Variants in RGS6 observed in about 807,000 individuals in gnomAD.
RGS6 encodes regulator of G-protein signaling 6.
In RGS6, 30 loss-of-function variants were observed where a neutral mutation model predicts 78.5. The ratio of observed to expected loss-of-function variants is 0.38; its 90% CI spans 0.29 to 0.52. The LOEUF (loss-of-function observed/expected upper bound fraction) is 0.52. Ranked by LOEUF, RGS6 falls within the 20% of genes least tolerant of loss-of-function variation. The pLI, the probability that RGS6 is intolerant of heterozygous loss-of-function variation, is 0.85. For missense variants in RGS6, 495 were observed against 609.7 expected (o/e 0.81, Z 1.98); for synonymous variants, 206 against 206.0 (o/e 1.00, Z 0.00).
intron 6 of RGS6, among the ~76,000 whole-genome samples, chr14:72,464,291 T>C (rs1450968892): frequency 6.6e-6 from 1 of 152,226 alleles, no homozygotes; most frequent in African/African-American, 2.4e-5. Context: ...ACTCTCTCTC[T>C]TTTCACATTA....
chr14:72,189,925 C>T (rs12432254), intron 2 of RGS6, among the ~76,000 whole-genome samples: 58,777 of 151,932 alleles, frequency 0.39, 11,481 homozygotes, highest in Middle Eastern at 0.45. Context: ...TTCATAAAAA[C>T]GCATACCCAT....
intron 2 of RGS6, among the ~76,000 whole-genome samples, chr14:72,224,082 A>G (rs369222774): frequency 2.8e-4 from 43 of 152,234 alleles, no homozygotes; most frequent in African/African-American, 1.0e-3. Flanking sequence ...AACAGCTGAA[A>G]TACAATATTT....
intron 3 of RGS6, among the ~76,000 whole-genome samples, chr14:72,407,068 T>A (rs73293083): frequency 0.035 from 5,309 of 152,360 alleles, 127 homozygotes; most frequent in African/African-American, 0.057. Context: ...TGTTGTTACA[T>A]ACTGTTCATA....
chr14:71,926,155 A>G, the RGS6 span, among the ~76,000 whole-genome samples: 3 of 152,254 alleles, frequency 2.0e-5, no homozygotes, highest in African/African-American at 7.2e-5. Flanking sequence ...ACAGAAATAG[A>G]AAAACACAAT....
intron 2 of RGS6, among the ~76,000 whole-genome samples, chr14:72,136,386 T>C (rs1035312849): frequency 6.6e-6 from 1 of 152,120 alleles, no homozygotes; most frequent in South Asian, 2.1e-4. Context: ...TGCTGCTGAA[T>C]AAAGACATAT....
intron 2 of RGS6, among the ~76,000 whole-genome samples, chr14:72,157,059 T>A (rs1322543170): frequency 1.3e-5 from 2 of 152,188 alleles, no homozygotes; most frequent in African/African-American, 4.8e-5. Context: ...CCTTCTCTTC[T>A]TGTGAAAGTG....
At chr14:72,027,216 TAA>T (rs1491129144) in intron 2 of RGS6, among the ~76,000 whole-genome samples, 29 of 150,496 alleles carry the variant, frequency 1.9e-4, no homozygotes, top group Admixed American at 1.3e-3. Context: ...TCCTCTGCTT[TAA>T]GAGAGAGAGA....
chr14:72,181,027 A>G (rs2097167504), intron 2 of RGS6, among the ~76,000 whole-genome samples: 1 of 152,162 alleles, frequency 6.6e-6, no homozygotes, highest in Non-Finnish European at 1.5e-5. Context: ...TTCTATTTGT[A>G]TTCAGGTTTT....
At chr14:72,247,892 C>G (rs7146590) in intron 2 of RGS6, among the ~76,000 whole-genome samples, 5,015 of 152,268 alleles carry the variant, frequency 0.033, 187 homozygotes, top group African/African-American at 0.09. Flanking sequence ...TTGGACTTCC[C>G]AGCCTCCAGA....
At chr14:72,363,093 A>G (rs191135298) in intron 3 of RGS6, among the ~76,000 whole-genome samples, 15 of 152,352 alleles carry the variant, frequency 9.8e-5, no homozygotes, top group Non-Finnish European at 2.1e-4. Context: ...TGAAAAGGAT[A>G]CAAGAATTAC....
intron 2 of RGS6, among the ~76,000 whole-genome samples, chr14:72,234,418 A>G (rs1320286551): frequency 6.7e-6 from 1 of 148,368 alleles, no homozygotes; most frequent in Non-Finnish European, 1.5e-5. Flanking sequence ...TTGTGAGAAG[A>G]AAAAAAAAAC....
At chr14:72,572,402 G>A in the RGS6 span, among the ~76,000 whole-genome samples, 13 of 152,286 alleles carry the variant, frequency 8.5e-5, no homozygotes, top group East Asian at 2.5e-3. Flanking sequence ...TCAAATGTCT[G>A]TCAACTGGTA....
At chr14:72,029,546 C>A (rs975205616) in intron 2 of RGS6, among the ~76,000 whole-genome samples, 1 of 152,178 alleles carries the variant, frequency 6.6e-6, no homozygotes, top group Non-Finnish European at 1.5e-5. Context: ...AGTCTGCATC[C>A]AGCACCCATA....
At chr14:72,026,430 T>C (rs925835602) in intron 2 of RGS6, among the ~76,000 whole-genome samples, 1 of 151,982 alleles carries the variant, frequency 6.6e-6, no homozygotes, top group Non-Finnish European at 1.5e-5. Flanking sequence ...AAAGTAGCCA[T>C]CAGAACCCAT....
At chr14:72,252,770 CAAT>C (rs1434069845) in intron 2 of RGS6, among the ~76,000 whole-genome samples, 1 of 152,090 alleles carries the variant, frequency 6.6e-6, no homozygotes, top group East Asian at 1.9e-4. Flanking sequence ...ATGTTGAAAA[CAAT>C]GATGCAGTCC....
At chr14:72,333,888 A>G (rs1386142544) in intron 2 of RGS6, among the ~76,000 whole-genome samples, 1 of 152,144 alleles carries the variant, frequency 6.6e-6, no homozygotes, top group Non-Finnish European at 1.5e-5. Flanking sequence ...CGCACACCAG[A>G]TTTCCATTCC....
chr14:72,070,996 C>T (rs1342071068), intron 2 of RGS6, among the ~76,000 whole-genome samples: 1 of 152,080 alleles, frequency 6.6e-6, no homozygotes, highest in Non-Finnish European at 1.5e-5. Context: ...TTCATCTCCT[C>T]TCATGGTTTT....
At chr14:72,209,024 G>A (rs1391657808) in intron 2 of RGS6, among the ~76,000 whole-genome samples, 2 of 152,192 alleles carry the variant, frequency 1.3e-5, no homozygotes, top group Non-Finnish European at 2.9e-5. Context: ...GGCTAAGGCA[G>A]GTGGATTGCT....
At chr14:72,291,875 C>A (rs1297190440) in intron 2 of RGS6, among the ~76,000 whole-genome samples, 2 of 152,138 alleles carry the variant, frequency 1.3e-5, no homozygotes, top group African/African-American at 4.8e-5. Flanking sequence ...AGAACAGATG[C>A]TTTTTCTCCT....
Sources: allele counts gnomAD v4.1 joint callset (sites outside exome capture counted in the v4.1 genomes callset), GRCh38; gene constraint gnomAD v4.1.1; transcripts MANE v1.5; gene names NCBI Gene and HGNC (gene_info 2026-07-23, HGNC 2026-07-21).